Variants in CHD5 observed in about 807,000 individuals in gnomAD.
CHD5 encodes chromodomain helicase DNA binding protein 5, also known as ATP-dependent chromatin remodeler CHD5.
Under a neutral mutation model 230.3 loss-of-function variants are expected in CHD5, and 69 were observed. That is an observed-to-expected ratio of 0.30 (90% confidence interval 0.25 to 0.37). The LOEUF is 0.37. Among genes scored for constraint, CHD5 ranks in the 10% least tolerant of loss-of-function variants. The pLI is 1.00. For synonymous variants in CHD5, 1,064 were observed against 1,065.9 expected (o/e 1.00, Z 0.03); for missense variants, 1,827 against 2,622.8 (o/e 0.70, Z 6.63).
At chr1:6,169,610 G>T (rs1667305504) in intron 1 of CHD5, among the ~76,000 whole-genome samples, 1 of 152,212 alleles carries the variant, frequency 6.6e-6, no homozygotes, top group Admixed American at 6.5e-5. Context: ...GCTGTGGAGG[G>T]GCTGTGGGGA....
At position 6,142,545 on chromosome 1, in the gene CHD5, G is replaced by A. The variant is rs1361883882; in HGVS notation, c.2104C>T (p.Pro702Ser). The change falls in exon 14 of 42, where the codon CCG becomes TCG. Residue 702 changes from proline to serine, a missense_variant. Pro to Ser is a moderately conservative substitution (Grantham distance 74). Around this residue, in one of 14 missense-constraint regions of CHD5, gnomAD observed 37 missense variants for 105.7 expected, o/e 0.35. Transcript: ENST00000262450. The surrounding 1 kb of genome is among the most constrained non-coding windows in gnomAD (Gnocchi z 5.2). ...CAGTTGAGGCCCTCCAGCTGGTACG[G>A]GTGCAGTGTGCCGCCTGTGGAGTCG... ...YIDSTGGTLH[P>S]YQLEGLNWLR... 1.2e-6 allele frequency: 2 copies of A among 1,614,108 alleles called. No individual in the cohort carries two copies. The highest frequency in any genetic ancestry group is 4.5e-5 in the East Asian group (2 of 44,884).
In CHD5 at chr1:6,121,234, G is replaced by A. The variant is rs1666465433; in HGVS notation, c.4783C>T (p.Leu1595Phe). The change falls in exon 33 of 42, where the codon CTT becomes TTT. Residue 1595 changes from leucine to phenylalanine, a missense_variant. By Grantham distance (22) the Leu-to-Phe change is conservative (BLOSUM62 0). This residue lies in a region of CHD5 where 272 missense variants were observed against 263.2 expected (regional missense o/e 1.03). Coordinates refer to ENST00000262450, the MANE Select transcript of CHD5 (RefSeq NM_015557.3). The surrounding 1 kb of genome is among the most constrained non-coding windows in gnomAD (Gnocchi z 4.5). ...TCCACTCTATCCAAGGCGGCTGGAA[G>A]GGCCTGCAGAGGAAAAGCCAGGAGA... ...KPRQPLEVQA[L>F]PAALDRVESE... 2 of 1,607,648 alleles carry A rather than the reference G, an allele frequency of 1.2e-6. No individual in the cohort carries two copies. Among genetic ancestry groups the A allele is most frequent in the African/African-American group, 1.3e-5 (1 of 74,554 alleles).
intron 38 of CHD5, among the ~76,000 whole-genome samples, chr1:6,107,842 A>G (rs1666217687): frequency 9.6e-5 from 9 of 93,744 alleles, no homozygotes; most frequent in East Asian, 8.1e-4. Flanking sequence ...GATGAAGGAT[A>G]ATGGAGAGAT....
At chr1:6,127,418 G>A (rs1020031599) in intron 25 of CHD5, among the ~76,000 whole-genome samples, 1 of 152,058 alleles carries the variant, frequency 6.6e-6, no homozygotes, top group South Asian at 2.1e-4. Context: ...CCTGGGAGGC[G>A]TTGGTTGCAG....
chr1:6,114,842 T>G (rs1288138878), intron 33 of CHD5, among the ~76,000 whole-genome samples: 1 of 152,020 alleles, frequency 6.6e-6, no homozygotes, highest in African/African-American at 2.4e-5. Flanking sequence ...GGTGAAATCC[T>G]GTCTCTACTA....
At chr1:6,164,844 G>C (rs1366106127) in intron 2 of CHD5, among the ~76,000 whole-genome samples, 1 of 152,154 alleles carries the variant, frequency 6.6e-6, no homozygotes, top group African/African-American at 2.4e-5. Context: ...TAGAGAGAAG[G>C]AGAGAGGGTG....
At chr1:6,137,163 G>C (rs1370727218) in intron 15 of CHD5, among the ~76,000 whole-genome samples, 1 of 152,110 alleles carries the variant, frequency 6.6e-6, no homozygotes, top group Non-Finnish European at 1.5e-5. Flanking sequence ...GTGGAGTACA[G>C]TGGCACGATC....
In CHD5 at chr1:6,110,243, T is replaced by G; in HGVS notation, c.5382+151A>C. 5.2e-6 allele frequency: 4 copies of G among 762,128 alleles called. 1 individual carries two copies. The highest frequency in any genetic ancestry group is 1.8e-5 in the South Asian group (1 of 56,628). The allele number at this position is 762,128 out of a possible 1,614,324, so 47.2% of individuals were successfully genotyped here. A position where few individuals can be genotyped will look rare whatever the true frequency, so the allele number is the denominator to read the frequency against. ...CAGGGCCAGAGCAAGGATCCACCAC[T>G]GTTAGTTGATGGACATACTGCTGCT... On this transcript the variant is annotated intron_variant, in intron 37 of 41. Transcript: ENST00000262450.
At position 6,142,254 on chromosome 1, in the gene CHD5, C is replaced by T. The variant is rs749824587; in HGVS notation, c.2310G>A (p.Met770Ile). The T allele has an allele frequency of 1.9e-6, 3 of 1,614,126 alleles. No individual in the cohort carries two copies. In the South Asian group the frequency reaches 3.3e-5, roughly 18 times the overall value. ...TGACCACGTAGAAGTCGGGCGCCCA[C>T]ATCTCAAACTCGCGTTCCCAGTTGA... ...TIINWEREFE[M>I]WAPDFYVVTY... The change falls in exon 15 of 42, where the codon ATG (methionine) becomes ATA (isoleucine). Residue 770 changes from methionine to isoleucine, a missense_variant. This residue lies in a region of CHD5 where 80 missense variants were observed against 96.4 expected (regional missense o/e 0.83). Coordinates refer to ENST00000262450, the MANE Select transcript of CHD5 (RefSeq NM_015557.3). The surrounding 1 kb of genome is among the most constrained non-coding windows in gnomAD (Gnocchi z 5.2).
In CHD5 at chr1:6,121,709, G is replaced by C; in HGVS notation, c.4700-136C>G. On this transcript the variant is annotated intron_variant, in intron 31 of 41. Transcript: ENST00000262450. The surrounding 1 kb of genome is among the most constrained non-coding windows in gnomAD (Gnocchi z 4.5). ...ACTGCAGCCAAGCACCTCCAGGAGA[G>C]ACAAGCAGGATCCCCGGCTAAGTCA... is the stretch of plus-strand genomic sequence containing the variant. The C allele has an allele frequency of 1.6e-6, 1 of 623,972 alleles. No homozygotes were observed. Among genetic ancestry groups the C allele is most frequent in the Non-Finnish European group, 2.9e-6 (1 of 348,412 alleles). The allele number at this position is 623,972 out of a possible 1,614,324, so 38.7% of individuals were successfully genotyped here.
Position 6,130,499 on chromosome 1 carries a change from G to C in CHD5, c.3263-171C>G, listed in dbSNP as rs1401730515. 6.6e-6 allele frequency among the ~76,000 whole-genome samples: 1 copy of C among 152,120 alleles called. No homozygotes were observed. The highest frequency in any genetic ancestry group is 1.5e-5 in the Non-Finnish European group (1 of 68,004). ...GGTGGCCACAGCTGCACTCAGGGGA[G>C]CCAGAGGAGGCCTGCCCAAGCCCAC... is the stretch of plus-strand genomic sequence containing the variant. On this transcript the variant is annotated intron_variant, in intron 21 of 41. Coordinates refer to ENST00000262450, the MANE Select transcript of CHD5 (RefSeq NM_015557.3). This position sits in a 1 kb window ranked among gnomAD's most constrained non-coding sequence, Gnocchi z 4.9.
At position 6,134,913 on chromosome 1, in the gene CHD5, C is replaced by G. The variant is rs1666715927; in HGVS notation, c.2871-54G>C. The G allele has an allele frequency of 6.2e-7, 1 of 1,606,412 alleles. No homozygotes were observed. Among genetic ancestry groups the G allele is most frequent in the Non-Finnish European group, 8.5e-7 (1 of 1,174,390 alleles). ...TGGGTCAGACCCGCCTCCATGAGGG[C>G]TCTCTCTGCTCTGCAGTGGGGCTGG... On this transcript the variant is annotated intron_variant, in intron 18 of 41. Transcript: ENST00000262450. The surrounding 1 kb of genome is among the most constrained non-coding windows in gnomAD (Gnocchi z 6.3).
At chr1:6,173,386 G>A (rs967648790) in intron 1 of CHD5, among the ~76,000 whole-genome samples, 3 of 152,020 alleles carry the variant, frequency 2.0e-5, no homozygotes, top group Admixed American at 1.3e-4. Flanking sequence ...TTACAGGCAT[G>A]AGCCACCGCG....
At chr1:6,152,576 C>A in intron 5 of CHD5, 40 bp from the exon 6 acceptor site, 2 of 1,611,074 alleles carry the variant, frequency 1.2e-6, no homozygotes, top group Non-Finnish European at 1.7e-6. Context: ...ACTGCCACCA[C>A]TGACGGCCTG....
intron 9 of CHD5, among the ~76,000 whole-genome samples, chr1:6,147,765 T>C (rs1666934163): frequency 6.6e-6 from 1 of 152,186 alleles, no homozygotes; most frequent in South Asian, 2.1e-4. Flanking sequence ...ACATCACACC[T>C]GAAGGCATTC....
At chr1:6,135,871 G>A (rs1666738238) in intron 17 of CHD5, among the ~76,000 whole-genome samples, 1 of 152,104 alleles carries the variant, frequency 6.6e-6, no homozygotes, top group Non-Finnish European at 1.5e-5. Flanking sequence ...TTAGCCGGGC[G>A]TGGTGACACA....
At chr1:6,141,138 G>A (rs960852851) in intron 15 of CHD5, among the ~76,000 whole-genome samples, 4 of 150,846 alleles carry the variant, frequency 2.7e-5, no homozygotes, top group South Asian at 4.2e-4. Context: ...CAAAAAATTC[G>A]CTGGGCATTG....
intron 5 of CHD5, among the ~76,000 whole-genome samples, chr1:6,152,974 C>T (rs1027637559): frequency 1.3e-5 from 2 of 152,252 alleles, no homozygotes; most frequent in African/African-American, 4.8e-5. Flanking sequence ...CCAGGCAATG[C>T]TGGTCCCACC....
intron 2 of CHD5, among the ~76,000 whole-genome samples, chr1:6,163,224 G>A (rs1283329997): frequency 6.6e-6 from 1 of 152,222 alleles, no homozygotes; most frequent in East Asian, 1.9e-4. Flanking sequence ...CTGGGGCTCA[G>A]GCAAGCCAGC....
Sources: allele counts gnomAD v4.1 joint callset (sites outside exome capture counted in the v4.1 genomes callset), GRCh38; gene constraint gnomAD v4.1.1; regional missense constraint gnomAD v4.1.1; non-coding constraint Gnocchi (gnomAD v3.1); transcripts MANE v1.5; gene names NCBI Gene and HGNC (gene_info 2026-07-23, HGNC 2026-07-21).